The following GRIN2B variants were observed in gnomAD, a reference collection of about 807,000 sequenced individuals.
The protein encoded by GRIN2B is glutamate ionotropic receptor NMDA type subunit 2B.
Under a neutral mutation model 114.5 loss-of-function variants are expected in GRIN2B, and 5 were observed. That is an observed-to-expected ratio of 0.04 (90% CI 0.02 to 0.09). The LOEUF (loss-of-function observed/expected upper bound fraction) is 0.09, where lower values mean the gene tolerates loss of function less well. Ranked by LOEUF, GRIN2B falls within the 10% of genes least tolerant of loss-of-function variation. The pLI is 1.00. For synonymous variants in GRIN2B, 787 were observed against 745.1 expected (o/e 1.06, Z -0.92); for missense variants, 1,108 against 1,943.5 (o/e 0.57, Z 8.08).
At chr12:13,972,387 C>G (rs927801588) in intron 2 of GRIN2B, among the ~76,000 whole-genome samples, 1 of 152,148 alleles carries the variant, frequency 6.6e-6, no homozygotes, top group Admixed American at 6.5e-5. Flanking sequence ...TAAAGCAACA[C>G]AAGCAGAATT....
At chr12:13,943,569 T>G (rs1167939644) in intron 2 of GRIN2B, among the ~76,000 whole-genome samples, 1 of 152,190 alleles carries the variant, frequency 6.6e-6, no homozygotes, top group African/African-American at 2.4e-5. Flanking sequence ...CTCCATTCAC[T>G]AAGCCCTAAG....
chr12:13,729,517 T>C (rs1591700335), intron 4 of GRIN2B, among the ~76,000 whole-genome samples: 1 of 151,432 alleles, frequency 6.6e-6, no homozygotes, highest in Admixed American at 6.6e-5. Context: ...GAAGGAAGAG[T>C]CATTAGGGAG....
intron 4 of GRIN2B, among the ~76,000 whole-genome samples, chr12:13,733,090 T>C (rs1228412121): frequency 6.6e-6 from 1 of 151,768 alleles, no homozygotes; most frequent in South Asian, 2.1e-4. Context: ...AGGAAAGGAG[T>C]GAGGGCCAGG....
At chr12:13,669,527 C>T (rs1401485490) in intron 5 of GRIN2B, among the ~76,000 whole-genome samples, 2 of 152,062 alleles carry the variant, frequency 1.3e-5, no homozygotes, top group Admixed American at 1.3e-4. Context: ...CTGTTTCACC[C>T]CCTTAGATGC....
intron 2 of GRIN2B, among the ~76,000 whole-genome samples, chr12:13,930,694 G>C (rs1867010903): frequency 1.3e-5 from 2 of 152,198 alleles, no homozygotes; most frequent in African/African-American, 4.8e-5. Context: ...GGCAGAGGGA[G>C]CTGCTTATAA....
intron 2 of GRIN2B, among the ~76,000 whole-genome samples, chr12:13,871,721 C>CA (rs60305175): frequency 0.074 from 9,131 of 122,726 alleles, 383 homozygotes; most frequent in African/African-American, 0.15. Flanking sequence ...CAAGATGAAT[C>CA]AAAAAAAAAA....
At chr12:13,720,408 C>T (rs186659938) in intron 4 of GRIN2B, among the ~76,000 whole-genome samples, 3 of 152,142 alleles carry the variant, frequency 2.0e-5, no homozygotes, top group Admixed American at 6.6e-5. Context: ...TAGGGTCAAA[C>T]GTCATCTTGA....
chr12:13,915,623 T>C (rs1174590325), intron 2 of GRIN2B, among the ~76,000 whole-genome samples: 3 of 152,234 alleles, frequency 2.0e-5, no homozygotes, highest in Non-Finnish European at 4.4e-5. Context: ...ACTTGAAATG[T>C]GGCTTAGCAA....
At chr12:13,704,479 A>T (rs1950341198) in intron 4 of GRIN2B, among the ~76,000 whole-genome samples, 1 of 152,124 alleles carries the variant, frequency 6.6e-6, no homozygotes, top group Non-Finnish European at 1.5e-5. Flanking sequence ...GCATTCATCT[A>T]TTTTCAGAAT....
intron 2 of GRIN2B, among the ~76,000 whole-genome samples, chr12:13,897,071 T>C (rs1866366207): frequency 6.6e-6 from 1 of 152,158 alleles, no homozygotes; most frequent in Non-Finnish European, 1.5e-5. Context: ...CCTCCTTCTC[T>C]CGCCCTTTTC....
chr12:13,850,495 G>A (rs777946205), intron 3 of GRIN2B, among the ~76,000 whole-genome samples: 5 of 152,158 alleles, frequency 3.3e-5, no homozygotes, highest in Non-Finnish European at 5.9e-5. Context: ...GCAGCTCCCA[G>A]GCCCCATCAG....
chr12:13,714,030 C>A (rs1032107375), intron 4 of GRIN2B, among the ~76,000 whole-genome samples: 4 of 151,728 alleles, frequency 2.6e-5, no homozygotes, highest in Non-Finnish European at 5.9e-5. Context: ...AAAGCAAAAT[C>A]CCTAAAACTC....
At chr12:13,794,514 C>T (rs148105226) in intron 3 of GRIN2B, among the ~76,000 whole-genome samples, 352 of 152,302 alleles carry the variant, frequency 2.3e-3, no homozygotes, top group African/African-American at 7.8e-3. Context: ...ACCTCCCCCC[C>T]GGACCCGAAA....
intron 4 of GRIN2B, among the ~76,000 whole-genome samples, chr12:13,744,125 T>A (rs995685137): frequency 6.6e-6 from 1 of 152,196 alleles, no homozygotes; most frequent in Non-Finnish European, 1.5e-5. Context: ...TTAGCGACCA[T>A]CCTTACAGCC....
chr12:13,592,513 C>T (rs1435647490), intron 10 of GRIN2B, among the ~76,000 whole-genome samples: 1 of 152,156 alleles, frequency 6.6e-6, no homozygotes, highest in Non-Finnish European at 1.5e-5. Flanking sequence ...TTTCTTTACC[C>T]ACAACTGTCT....
At chr12:13,708,765 T>A (rs758178474) in intron 4 of GRIN2B, among the ~76,000 whole-genome samples, 1 of 152,098 alleles carries the variant, frequency 6.6e-6, no homozygotes, top group Non-Finnish European at 1.5e-5. Context: ...ATTCTAACTA[T>A]CTTCTTGCAG....
At chr12:13,568,537 CA>C (rs1948669083) in intron 12 of GRIN2B, among the ~76,000 whole-genome samples, 2 of 152,196 alleles carry the variant, frequency 1.3e-5, no homozygotes, top group African/African-American at 4.8e-5. Flanking sequence ...CAATGTTAAT[CA>C]AATCACTTTT....
In GRIN2B at chr12:13,564,704, T is replaced by C; in HGVS notation, c.2599-65A>G. ...GGCTAGAAATGACCACAAAAAACACTCTCCCACCAATAATTGCTCCAACTG... is the reference window on the plus strand; with the variant it reads ...GGCTAGAAATGACCACAAAAAACACCCTCCCACCAATAATTGCTCCAACTG... On this transcript the variant is annotated intron_variant, in intron 13 of 13. Transcript: ENST00000609686. The surrounding 1 kb of genome is among the most constrained non-coding windows in gnomAD (Gnocchi z 4.8). 7.3e-7 allele frequency: 1 copy of C among 1,374,202 alleles called. No homozygotes were observed. The highest frequency in any genetic ancestry group is 1.0e-6 in the Non-Finnish European group (1 of 966,918). 85.1% of individuals were successfully genotyped at this position (1,374,202 alleles called of 1,614,324 possible). A position where few individuals can be genotyped will look rare whatever the true frequency, so the allele number is the denominator to read the frequency against.
At chr12:13,799,787 A>G (rs919921879) in intron 3 of GRIN2B, among the ~76,000 whole-genome samples, 3 of 152,022 alleles carry the variant, frequency 2.0e-5, no homozygotes, top group African/African-American at 7.2e-5. Context: ...CTGTCAAAAG[A>G]TGGCAGGGGG....
Sources: gnomAD v4.1 joint callset for allele counts (sites outside exome capture counted in the v4.1 genomes callset) on GRCh38, gnomAD v4.1.1 for gene constraint, Gnocchi (gnomAD v3.1) non-coding constraint, MANE v1.5 for transcripts, NCBI Gene and HGNC (gene_info 2026-07-23, HGNC 2026-07-21) for gene names.